CACNA2D2: variants seen among roughly 807,000 people sequenced by gnomAD.
The protein encoded by CACNA2D2 is calcium voltage-gated channel auxiliary subunit alpha2delta 2.
A neutral mutation model predicts 166.4 loss-of-function variants in CACNA2D2; 48 were observed. The ratio of observed to expected loss-of-function variants is 0.29; its 90% CI spans 0.23 to 0.37. The LOEUF is 0.37. CACNA2D2 is among the 10% of genes least tolerant of loss of function. The pLI is 1.00. For synonymous variants in CACNA2D2, 561 were observed against 573.7 expected (o/e 0.98, Z 0.32); for missense variants, 1,122 against 1,433.0 (o/e 0.78, Z 3.50).
Position 50,379,350 on chromosome 3 carries a change from C to A in CACNA2D2, c.1152+82G>T. ...AGCTGCCTGTTTGGTGCTAACGAGGCCATCCGTCTTGATTTCCTGGGTACA... is the reference window on the plus strand; with the variant it reads ...AGCTGCCTGTTTGGTGCTAACGAGGACATCCGTCTTGATTTCCTGGGTACA... On this transcript the variant is annotated intron_variant, in intron 11 of 37. Coordinates refer to ENST00000424201, the MANE Select transcript of CACNA2D2 (RefSeq NM_006030.4). The surrounding 1 kb of genome is among the most constrained non-coding windows in gnomAD (Gnocchi z 6.5). 2 of 1,544,282 alleles carry A rather than the reference C, an allele frequency of 1.3e-6. No homozygotes were observed. Among genetic ancestry groups the A allele is most frequent in the Admixed American group, 3.5e-5 (2 of 56,538 alleles).
chr3:50,379,295 TC>T lies in CACNA2D2; in HGVS notation c.1153-97del. Reference sequence around the variant, plus strand: ...AGTGGGCCTGGACCTCTGGCCCTCCTCCCCCACAGCAGATGGAGCTATCTGT... The same window carrying T: ...AGTGGGCCTGGACCTCTGGCCCTCCTCCCCACAGCAGATGGAGCTATCTGT... On this transcript the variant is annotated intron_variant, in intron 11 of 37. Transcript: ENST00000424201. The surrounding 1 kb of genome is among the most constrained non-coding windows in gnomAD (Gnocchi z 6.5). The T allele has an allele frequency of 6.9e-7, 1 of 1,440,054 alleles. No individual in the cohort carries two copies. 89.2% of individuals were successfully genotyped at this position (1,440,054 alleles called of 1,614,324 possible). A position where few individuals can be genotyped will look rare whatever the true frequency, so the allele number is the denominator to read the frequency against.
chr3:50,374,871 CT>C, intron 21 of CACNA2D2, 58 bp from the exon 22 acceptor site: 1 of 1,382,430 alleles, frequency 7.2e-7, no homozygotes, highest in African/African-American at 1.4e-5. Flanking sequence ...CTGGCACCCC[CT>C]CCCCATGGCC....
chr3:50,436,246 C>T lies in CACNA2D2; in HGVS notation c.289-1817G>A, dbSNP rs141494386. Among the ~76,000 whole-genome samples, 375 of 152,328 alleles carry T rather than the reference C, an allele frequency of 2.5e-3. 2 individuals are homozygous for T. The highest frequency in any genetic ancestry group is 8.6e-3 in the African/African-American group (358 of 41,570). On this transcript the variant is annotated intron_variant, in intron 2 of 37. Transcript: ENST00000424201. ...AGAGTGGTGCCCCGACCCATTTGCA[C>T]CAGCAGGGGGCACTGCTGCCCGGCT...
At chr3:50,416,646 C>T (rs1032939879) in intron 3 of CACNA2D2, among the ~76,000 whole-genome samples, 7 of 152,218 alleles carry the variant, frequency 4.6e-5, no homozygotes, top group Non-Finnish European at 1.0e-4. Flanking sequence ...GCAGTGGGGC[C>T]ACGTTAGACC....
chr3:50,481,017 A>T (rs1422850765), intron 1 of CACNA2D2, among the ~76,000 whole-genome samples: 1 of 104,832 alleles, frequency 9.5e-6, no homozygotes, highest in Non-Finnish European at 2.1e-5. Flanking sequence ...GCCAGTTGTT[A>T]ATTTTATATG....
At chr3:50,474,199 G>T (rs1710215015) in intron 2 of CACNA2D2, among the ~76,000 whole-genome samples, 1 of 152,226 alleles carries the variant, frequency 6.6e-6, no homozygotes, top group African/African-American at 2.4e-5. Context: ...GAGGGTGGGG[G>T]AGACAGGCTC....
chr3:50,478,549 C>G (rs528777980), intron 1 of CACNA2D2, among the ~76,000 whole-genome samples: 2 of 152,236 alleles, frequency 1.3e-5, no homozygotes, highest in African/African-American at 4.8e-5. Flanking sequence ...GCATCCACTA[C>G]GTACAAGGTG....
intron 3 of CACNA2D2, among the ~76,000 whole-genome samples, chr3:50,398,516 TG>T (rs1706270703): frequency 6.6e-6 from 1 of 152,106 alleles, no homozygotes; most frequent in African/African-American, 2.4e-5. Context: ...AAATGAAAAC[TG>T]GGTGTCTCTG....
chr3:50,487,918 G>C (rs953776749), intron 1 of CACNA2D2, among the ~76,000 whole-genome samples: 3 of 152,178 alleles, frequency 2.0e-5, no homozygotes, highest in Non-Finnish European at 2.9e-5. Flanking sequence ...GGATTTGGCA[G>C]CAAGCAGGGC....
chr3:50,377,754 T>C lies in CACNA2D2; in HGVS notation c.1529A>G (p.Gln510Arg). Residue 510 changes from glutamine to arginine, a missense_variant, in exon 16 of 38, where the codon CAG becomes CGG. Physicochemically the swap from Gln to Arg is conservative, Grantham distance 43. Transcript: ENST00000424201. ...TGTLPVFNLT[Q>R]DGPGEKKNQL... ...CACCTTCTTTTCCCCAGGGCCATCC[T>C]GTGTCAGGTTGAAAACAGGGAGGGT... 1.9e-6 allele frequency: 3 copies of C among 1,613,260 alleles called. No homozygotes were observed. Among genetic ancestry groups the C allele is most frequent in the African/African-American group, 1.3e-5 (1 of 75,040 alleles).
Position 50,481,386 on chromosome 3 carries a change from TG to T in CACNA2D2, c.207-5188del, listed in dbSNP as rs1399173501. 3.3e-5 allele frequency among the ~76,000 whole-genome samples: 5 copies of T among 152,346 alleles called. No homozygotes were observed. The South Asian group carries it at 8.3e-4, about 25-fold the overall frequency. On this transcript the variant is annotated intron_variant, in intron 1 of 37. Transcript: ENST00000424201. ...TGCTGCCTCTCCCAGATGGCCTGTCTGGATCAACCCTGTTCCACTGGGCACC... is the reference window on the plus strand; with the variant it reads ...TGCTGCCTCTCCCAGATGGCCTGTCTGATCAACCCTGTTCCACTGGGCACC...
intron 3 of CACNA2D2, among the ~76,000 whole-genome samples, chr3:50,402,018 G>A (rs1267821839): frequency 6.6e-6 from 1 of 152,168 alleles, no homozygotes; most frequent in African/African-American, 2.4e-5. Context: ...CGGCCAAAGT[G>A]GACGTTTTAA....
intron 2 of CACNA2D2, 30 bp from the exon 3 acceptor site, chr3:50,434,459 C>T: frequency 2.6e-6 from 4 of 1,535,460 alleles, no homozygotes; most frequent in Non-Finnish European, 2.7e-6. Flanking sequence ...AGGGGTGAGA[C>T]CAGGTGGTCC....
chr3:50,483,431 GTTA>G (rs904912203), intron 1 of CACNA2D2, among the ~76,000 whole-genome samples: 1 of 152,224 alleles, frequency 6.6e-6, no homozygotes, highest in African/African-American at 2.4e-5. Context: ...CCTTCATGAG[GTTA>G]TTAATTACGG....
Position 50,364,628 on chromosome 3 carries a change from G to T in CACNA2D2, c.*38C>A. 1.4e-6 allele frequency: 2 copies of T among 1,475,776 alleles called. No homozygotes were observed. Among genetic ancestry groups the T allele is most frequent in the Non-Finnish European group, 1.8e-6 (2 of 1,113,734 alleles). 91.4% of individuals were successfully genotyped at this position (1,475,776 alleles called of 1,614,324 possible). A position where few individuals can be genotyped will look rare whatever the true frequency, so the allele number is the denominator to read the frequency against. On this transcript the variant is annotated 3_prime_UTR_variant, in exon 38 of 38. Coordinates refer to ENST00000424201, the MANE Select transcript of CACNA2D2 (RefSeq NM_006030.4). ...GGAGGGTGGGAAAGGCGAAGAGGCC[G>T]GGTGAGGTGGGAGTGGAGGTGGGGT...
chr3:50,364,553 G>T lies in CACNA2D2; in HGVS notation c.*113C>A. On this transcript the variant is annotated 3_prime_UTR_variant, in exon 38 of 38. Coordinates refer to ENST00000424201, the MANE Select transcript of CACNA2D2 (RefSeq NM_006030.4). ...AGACTCTCAGGGCCTGGCCAGCTCA[G>T]GTCCTTCAGTGAGGGAGGGACGAGG... The T allele has an allele frequency of 7.7e-7, 1 of 1,290,448 alleles. No homozygotes were observed. The highest frequency in any genetic ancestry group is 1.0e-6 in the Non-Finnish European group (1 of 966,724). The allele number at this position is 1,290,448 out of a possible 1,614,324, so 79.9% of individuals were successfully genotyped here.
At chr3:50,412,326 T>C (rs535793977) in intron 3 of CACNA2D2, among the ~76,000 whole-genome samples, 1 of 152,348 alleles carries the variant, frequency 6.6e-6, no homozygotes, top group African/African-American at 2.4e-5. Context: ...ACCCCAATGG[T>C]GGGCAGGCCA....
rs202196387 is a variant in CACNA2D2 at position 50,376,042 on chromosome 3, A to T, written c.1702-8T>A. The T allele has an allele frequency of 8.7e-6, 14 of 1,613,192 alleles. No individual in the cohort carries two copies. In the East Asian group the frequency reaches 3.1e-4, roughly 36 times the overall value. On this transcript the variant is annotated splice_polypyrimidine_tract_variant and splice_region_variant and intron_variant, in intron 18 of 37. Transcript: ENST00000424201. The surrounding 1 kb of genome is among the most constrained non-coding windows in gnomAD (Gnocchi z 4.3). ...CTCCCGGAAGTTGGTGGTCTGTTGG[A>T]GGCAGGGTGGGAAGTCAGAAGTCCC...
In CACNA2D2 at chr3:50,379,271, G is replaced by A; in HGVS notation, c.1153-72C>T. 6.8e-7 allele frequency: 1 copy of A among 1,478,444 alleles called. No homozygotes were observed. The highest frequency in any genetic ancestry group is 2.3e-5 in the East Asian group (1 of 43,976). The allele number at this position is 1,478,444 out of a possible 1,614,324, so 91.6% of individuals were successfully genotyped here. The stretch of plus-strand genomic sequence containing the variant: ...CCAGGGGCAGGGCCTCCCTCCCGCA[G>A]TGGGCCTGGACCTCTGGCCCTCCTC... On this transcript the variant is annotated intron_variant, in intron 11 of 37. Coordinates refer to ENST00000424201, the MANE Select transcript of CACNA2D2 (RefSeq NM_006030.4). This position sits in a 1 kb window ranked among gnomAD's most constrained non-coding sequence, Gnocchi z 6.5.
Sources: gnomAD v4.1 joint callset for allele counts (sites outside exome capture counted in the v4.1 genomes callset) on GRCh38, gnomAD v4.1.1 for gene constraint, Gnocchi (gnomAD v3.1) non-coding constraint, MANE v1.5 for transcripts, NCBI Gene and HGNC (gene_info 2026-07-23, HGNC 2026-07-21) for gene names.